Variants in SPIDR observed in about 807,000 individuals in gnomAD.
SPIDR encodes the protein DNA repair-scaffolding protein.
SPIDR carries 93 observed loss-of-function variants against 104.6 expected under a neutral mutation model. The ratio of observed to expected loss-of-function variants is 0.89; its 90% CI spans 0.75 to 1.06. The LOEUF (loss-of-function observed/expected upper bound fraction) is 1.06. Ranked by LOEUF, SPIDR falls within the 50% of genes least tolerant of loss-of-function variation. SPIDR has a pLI of 0.00. For synonymous variants in SPIDR, 431 were observed against 416.9 expected (o/e 1.03, Z -0.41); for missense variants, 1,154 against 1,111.2 (o/e 1.04, Z -0.55).
At chr8:47,449,792 A>G (rs1372722718) in intron 8 of SPIDR, among the ~76,000 whole-genome samples, 11 of 152,252 alleles carry the variant, frequency 7.2e-5, no homozygotes, top group Non-Finnish European at 7.3e-5. Context: ...AAGTGAAGTT[A>G]GATGACGCTT....
chr8:47,353,921 T>TA (rs1445601566), intron 5 of SPIDR, among the ~76,000 whole-genome samples: 1 of 152,192 alleles, frequency 6.6e-6, no homozygotes, highest in Non-Finnish European at 1.5e-5. Flanking sequence ...TCAGTTGTTT[T>TA]AAAACAAGCT....
chr8:47,565,347 A>T (rs184470663), intron 8 of SPIDR, among the ~76,000 whole-genome samples: 8 of 152,348 alleles, frequency 5.3e-5, no homozygotes, highest in Admixed American at 5.2e-4. Flanking sequence ...AGCAACATTG[A>T]GTTAGAGTAC....
intron 8 of SPIDR, among the ~76,000 whole-genome samples, chr8:47,461,664 A>AGG (rs2073958788): frequency 6.6e-6 from 1 of 151,574 alleles, no homozygotes; most frequent in African/African-American, 2.4e-5. Flanking sequence ...TTAATTCAAA[A>AGG]ACCTTGTCTT....
intron 10 of SPIDR, among the ~76,000 whole-genome samples, chr8:47,636,021 G>A (rs573366567): frequency 1.3e-5 from 2 of 152,328 alleles, no homozygotes; most frequent in African/African-American, 4.8e-5. Flanking sequence ...GCACTTTGCA[G>A]ATAGAGCATT....
chr8:47,699,614 A>G (rs759581962), intron 11 of SPIDR, among the ~76,000 whole-genome samples: 1 of 151,928 alleles, frequency 6.6e-6, no homozygotes, highest in Non-Finnish European at 1.5e-5. Context: ...GACTGCAATG[A>G]TGTGATCTCA....
chr8:47,710,229 C>T (rs1246420791), intron 14 of SPIDR, among the ~76,000 whole-genome samples: 1 of 152,060 alleles, frequency 6.6e-6, no homozygotes, highest in African/African-American at 2.4e-5. Flanking sequence ...TAATTAGTTA[C>T]TGATGTCTTT....
chr8:47,392,039 A>G (rs1028818082), intron 5 of SPIDR, among the ~76,000 whole-genome samples: 1 of 151,898 alleles, frequency 6.6e-6, no homozygotes, highest in Non-Finnish European at 1.5e-5. Context: ...AAACCAAGAA[A>G]AAAGTTTTAA....
chr8:47,294,091 CA>C, intron 5 of SPIDR, 61 bp downstream of exon 5: 2 of 1,449,168 alleles, frequency 1.4e-6, no homozygotes, highest in Non-Finnish European at 1.9e-6. Context: ...TCATAGTTGT[CA>C]TTTTTTTTTT....
intron 16 of SPIDR, among the ~76,000 whole-genome samples, chr8:47,723,668 A>G (rs559167770): frequency 4.7e-4 from 72 of 152,220 alleles, no homozygotes; most frequent in Non-Finnish European, 6.5e-4. Flanking sequence ...TGACCTCACG[A>G]TCCTCCCACC....
intron 8 of SPIDR, among the ~76,000 whole-genome samples, chr8:47,514,150 TTGCCTTTAATATGCC>T (rs1198223024): frequency 1.3e-5 from 2 of 152,230 alleles, no homozygotes; most frequent in African/African-American, 2.4e-5. Flanking sequence ...CTAGCATTTG[TTGCCTTTAATATGCC>T]TGCTTGTGTC....
At chr8:47,499,139 G>T (rs2079919006) in intron 8 of SPIDR, among the ~76,000 whole-genome samples, 1 of 152,140 alleles carries the variant, frequency 6.6e-6, no homozygotes, top group Non-Finnish European at 1.5e-5. Flanking sequence ...CTCAATAAAT[G>T]CCTCTTGACT....
Position 47,639,848 on chromosome 8 carries a change from C to T in SPIDR, c.1545-33953C>T, listed in dbSNP as rs187062347. On this transcript the variant is annotated intron_variant, in intron 10 of 19. Transcript: ENST00000297423. Reference sequence around the variant, plus strand: ...CTGTAGTCCCAGCTACACGGGAGGCCGAGGCAGGAGAATCGCTTGAACCCG... The same window carrying T: ...CTGTAGTCCCAGCTACACGGGAGGCTGAGGCAGGAGAATCGCTTGAACCCG... 5.0e-4 allele frequency among the ~76,000 whole-genome samples: 75 copies of T among 151,506 alleles called. 1 individual carries two copies. Among genetic ancestry groups the T allele is most frequent in the South Asian group, 2.1e-4 (1 of 4,796 alleles).
intron 8 of SPIDR, among the ~76,000 whole-genome samples, chr8:47,559,297 T>G (rs2154400702): frequency 6.6e-6 from 1 of 152,386 alleles, no homozygotes; most frequent in South Asian, 2.1e-4. Flanking sequence ...ATGTGTTACA[T>G]TTAACCATCC....
intron 5 of SPIDR, among the ~76,000 whole-genome samples, chr8:47,312,107 T>C (rs2044295949): frequency 6.6e-6 from 1 of 152,248 alleles, no homozygotes; most frequent in Admixed American, 6.5e-5. Flanking sequence ...ATTTTCTTAA[T>C]CCAGTCTATC....
intron 11 of SPIDR, among the ~76,000 whole-genome samples, chr8:47,688,158 C>A (rs981028646): frequency 2.0e-5 from 3 of 152,010 alleles, no homozygotes; most frequent in African/African-American, 7.3e-5. Flanking sequence ...GAGACGGAGT[C>A]TCTCTCTGTT....
At chr8:47,603,335 C>T (rs1449393023) in intron 10 of SPIDR, among the ~76,000 whole-genome samples, 1 of 152,030 alleles carries the variant, frequency 6.6e-6, no homozygotes, top group African/African-American at 2.4e-5. Context: ...TTTCTTTCTC[C>T]CTTTCTAAAA....
At chr8:47,326,023 G>T (rs1359539549) in intron 5 of SPIDR, among the ~76,000 whole-genome samples, 2 of 151,952 alleles carry the variant, frequency 1.3e-5, no homozygotes, top group African/African-American at 4.8e-5. Flanking sequence ...ACAGGGTCTG[G>T]CTTTGTTTCT....
chr8:47,659,739 C>T (rs1002317088), intron 10 of SPIDR: 1 of 984,504 alleles, frequency 1.0e-6, no homozygotes, highest in African/African-American at 1.8e-5. Flanking sequence ...TCTCTCTCTT[C>T]TTATCACTTC....
chr8:47,665,656 C>A (rs1645140444), intron 10 of SPIDR, among the ~76,000 whole-genome samples: 1 of 152,242 alleles, frequency 6.6e-6, no homozygotes, highest in Non-Finnish European at 1.5e-5. Context: ...GCGATACATT[C>A]TTCTGCATAT....
Sources: allele counts gnomAD v4.1 joint callset (sites outside exome capture counted in the v4.1 genomes callset), GRCh38; gene constraint gnomAD v4.1.1; transcripts MANE v1.5; gene names NCBI Gene and HGNC (gene_info 2026-07-23, HGNC 2026-07-21).